Variants in GFRA2 observed in about 807,000 individuals in gnomAD.
GFRA2 encodes the protein GDNF family receptor alpha 2, also known as GDNF family receptor alpha-2.
A neutral mutation model predicts 48.3 loss-of-function variants in GFRA2; 17 were observed. The ratio of observed to expected loss-of-function variants is 0.35; its 90% CI spans 0.24 to 0.53. The LOEUF (loss-of-function observed/expected upper bound fraction) is 0.53, where lower values mean the gene tolerates loss of function less well. Among genes scored for constraint, GFRA2 ranks in the 20% least tolerant of loss-of-function variants. The probability of loss-of-function intolerance (pLI) is 0.93; values close to 1 mark genes in which losing one functional copy is unlikely to be tolerated. For missense variants in GFRA2, 660 were observed against 637.3 expected, an observed-to-expected ratio of 1.04 and a Z score of -0.38; for synonymous variants, 305 against 257.2, an observed-to-expected ratio of 1.19 and a Z score of -1.78.
chr8:21,710,157 G>T (rs1040353495), intron 4 of GFRA2, among the ~76,000 whole-genome samples: 3 of 152,204 alleles, frequency 2.0e-5, no homozygotes, highest in Non-Finnish European at 4.4e-5. Flanking sequence ...GTGACCTTGG[G>T]CTGGCCTGTC....
intron 8 of GFRA2, among the ~76,000 whole-genome samples, chr8:21,693,956 A>C (rs1163382684): frequency 1.3e-5 from 2 of 149,686 alleles, no homozygotes; most frequent in Non-Finnish European, 3.0e-5. Context: ...TTCTCATCTA[A>C]GTTACTGTCT....
At chr8:21,784,508 C>T (rs1406107751) in intron 1 of GFRA2, among the ~76,000 whole-genome samples, 3 of 152,202 alleles carry the variant, frequency 2.0e-5, no homozygotes, top group Non-Finnish European at 4.4e-5. Flanking sequence ...GGAGCGCTAC[C>T]GCAGGGAGAC....
rs1563209422 is a variant in GFRA2, at chr8:21,694,075, T to TATATATATATATATATATATATA, written c.1272+388_1272+389insTATATATATATATATATATATAT. Among the ~76,000 whole-genome samples the TATATATATATATATATATATATA allele has an allele frequency of 3.9e-3, 193 of 48,978 alleles. 3 individuals are homozygous for TATATATATATATATATATATATA. The highest frequency in any genetic ancestry group is 0.017 in the African/African-American group (154 of 8,932). The allele number at this position is 48,978 out of a possible 152,430, so 32.1% of individuals were successfully genotyped here. A position where few individuals can be genotyped will look rare whatever the true frequency, so the allele number is the denominator to read the frequency against. On this transcript the variant is annotated intron_variant, in intron 8 of 8. Coordinates refer to ENST00000524240, the MANE Select transcript of GFRA2 (RefSeq NM_001495.5). ...TATATTTATATATATATTTATTTAT[T>TATATATATATATATATATATATA]TTTATATATATATATATTTCCTATA...
chr8:21,741,361 C>T (rs2117549774), intron 4 of GFRA2, among the ~76,000 whole-genome samples: 1 of 152,340 alleles, frequency 6.6e-6, no homozygotes, highest in African/African-American at 2.4e-5. Flanking sequence ...CCCCATTCCT[C>T]AGGTCTCAGT....
chr8:21,775,092 C>A, intron 2 of GFRA2, 37 bp from the exon 3 acceptor site: 1 of 1,053,196 alleles, frequency 9.5e-7, no homozygotes, highest in Non-Finnish European at 1.5e-6. Flanking sequence ...CGGGCTCCTC[C>A]GGGCCAGAGC....
chr8:21,788,260 C>T lies in GFRA2; in HGVS notation c.-101G>A, dbSNP rs1457747918. Reference sequence around the variant, plus strand: ...TAATAGGCAAGCAGTGGTAATCAGCCCCAAATCCAATGCGGAGATCCCAGC... The same window carrying T: ...TAATAGGCAAGCAGTGGTAATCAGCTCCAAATCCAATGCGGAGATCCCAGC... On this transcript the variant is annotated 5_prime_UTR_variant, in exon 1 of 9. Coordinates refer to ENST00000524240, the MANE Select transcript of GFRA2 (RefSeq NM_001495.5). 2 of 1,477,902 alleles carry T rather than the reference C, an allele frequency of 1.4e-6. No individual in the cohort carries two copies. The highest frequency in any genetic ancestry group is 1.5e-5 in the African/African-American group (1 of 68,762). 91.5% of individuals were successfully genotyped at this position (1,477,902 alleles called of 1,614,324 possible).
intron 3 of GFRA2, among the ~76,000 whole-genome samples, chr8:21,762,013 CCT>C (rs1805938703): frequency 6.6e-6 from 1 of 152,126 alleles, no homozygotes; most frequent in Non-Finnish European, 1.5e-5. Context: ...TCCCATCTCA[CCT>C]CTCTGGCTAC....
At chr8:21,801,814 T>G (rs1056035953) in intron 2 of GFRA2, among the ~76,000 whole-genome samples, 5 of 152,216 alleles carry the variant, frequency 3.3e-5, no homozygotes, top group Non-Finnish European at 7.3e-5. Context: ...CACAAGGTGC[T>G]GCCCGCAGCC....
Position 21,709,886 on chromosome 8 carries a change from T to C in GFRA2, c.795-3845A>G, listed in dbSNP as rs189807368. Among the ~76,000 whole-genome samples, 16 of 152,266 alleles carry C rather than the reference T, an allele frequency of 1.1e-4. No homozygotes were observed. The East Asian group carries it at 2.9e-3, about 28-fold the overall frequency. The stretch of plus-strand genomic sequence containing the variant: ...GCTGGAGAAGGAACAGCAGCATGAA[T>C]GGGGAGTACATGGCTTCCTGTTCCT... On this transcript the variant is annotated intron_variant, in intron 4 of 8. Coordinates refer to ENST00000524240, the MANE Select transcript of GFRA2 (RefSeq NM_001495.5).
At chr8:21,747,817 AACATGC>A (rs1805087827) in intron 4 of GFRA2, among the ~76,000 whole-genome samples, 1 of 148,738 alleles carries the variant, frequency 6.7e-6, no homozygotes, top group South Asian at 2.1e-4. Context: ...CACACACATA[AACATGC>A]ACATGCACAC....
chr8:21,720,966 C>T (rs1331066577), intron 4 of GFRA2, among the ~76,000 whole-genome samples: 1 of 148,736 alleles, frequency 6.7e-6, no homozygotes, highest in Non-Finnish European at 1.5e-5. Flanking sequence ...TCAGTTGCCA[C>T]CGGATGGAGG....
intron 4 of GFRA2, among the ~76,000 whole-genome samples, chr8:21,738,194 CCCTCCTCCTCCTCCCCCTCCT>C (rs1462955280): frequency 1.3e-5 from 1 of 77,548 alleles, no homozygotes; most frequent in African/African-American, 4.4e-5. Context: ...CTCCTCCTCC[CCCTCCTCCTCCTCCCCCTCCT>C]CCTCCTCCCC....
At chr8:21,802,756 G>A (rs924687040) in intron 2 of GFRA2, among the ~76,000 whole-genome samples, 1 of 152,204 alleles carries the variant, frequency 6.6e-6, no homozygotes, top group African/African-American at 2.4e-5. Context: ...TATGGTGGTA[G>A]AATTATGGTA....
At chr8:21,740,275 G>A (rs1804686536) in intron 4 of GFRA2, among the ~76,000 whole-genome samples, 1 of 152,098 alleles carries the variant, frequency 6.6e-6, no homozygotes, top group Non-Finnish European at 1.5e-5. Context: ...AACTGCTATT[G>A]AGCTCTCCTC....
chr8:21,760,389 T>C (rs186295805), intron 3 of GFRA2, among the ~76,000 whole-genome samples: 32 of 152,150 alleles, frequency 2.1e-4, no homozygotes, highest in African/African-American at 7.0e-4. Flanking sequence ...GAGGGCAAAA[T>C]GTGAACCCAT....
At chr8:21,802,070 T>G (rs768416412) in intron 2 of GFRA2, among the ~76,000 whole-genome samples, 2 of 152,350 alleles carry the variant, frequency 1.3e-5, no homozygotes, top group East Asian at 1.9e-4. Context: ...GACTGGCAGT[T>G]TGCAGATTGG....
intron 3 of GFRA2, among the ~76,000 whole-genome samples, chr8:21,764,572 C>T (rs1806065004): frequency 6.6e-6 from 1 of 152,250 alleles, no homozygotes; most frequent in South Asian, 2.1e-4. Context: ...ACCTGGACAT[C>T]CAGCTCTGCC....
At chr8:21,746,684 C>T (rs1242866185) in intron 4 of GFRA2, among the ~76,000 whole-genome samples, 3 of 152,072 alleles carry the variant, frequency 2.0e-5, no homozygotes, top group Admixed American at 6.5e-5. Flanking sequence ...CAGGATTCCT[C>T]AGTCCTGACC....
At chr8:21,708,336 T>A (rs189164771) in intron 4 of GFRA2, among the ~76,000 whole-genome samples, 7 of 152,132 alleles carry the variant, frequency 4.6e-5, no homozygotes, top group South Asian at 2.1e-4. Context: ...AAAACCCACA[T>A]CCATCCCCCT....
Sources: allele counts gnomAD v4.1 joint callset (sites outside exome capture counted in the v4.1 genomes callset), GRCh38; gene constraint gnomAD v4.1.1; transcripts MANE v1.5; gene names NCBI Gene and HGNC (gene_info 2026-07-23, HGNC 2026-07-21).